Variants in SHROOM2 observed in about 807,000 individuals in gnomAD.
SHROOM2 encodes protein Shroom2.
Under a neutral mutation model 75.9 loss-of-function variants are expected in SHROOM2, and 33 were observed. That is an observed-to-expected ratio of 0.43 (90% CI 0.33 to 0.58). The LOEUF (loss-of-function observed/expected upper bound fraction) is 0.58. Among genes scored for constraint, SHROOM2 ranks in the 20% least tolerant of loss-of-function variants. The pLI is 0.04. For missense variants in SHROOM2, 1,434 were observed against 1,461.2 expected (o/e 0.98, Z 0.30); for synonymous variants, 655 against 663.6 (o/e 0.99, Z 0.20).
chrX:9,946,627 A>G (rs2073941), intron 9 of SHROOM2, 44 bp from the exon 10 acceptor site: 247,866 of 1,171,247 alleles, frequency 0.21, 25,447 homozygotes, highest in East Asian at 0.67. Flanking sequence ...CCAGTGCCCC[A>G]GCTTTCATCC....
intron 1 of SHROOM2, among the ~76,000 whole-genome samples, chrX:9,857,805 C>T (rs1167302148): frequency 9.0e-6 from 1 of 111,024 alleles, no homozygotes; most frequent in Non-Finnish European, 1.9e-5. Flanking sequence ...TTGCAAAATT[C>T]GTGCATCCTG....
chrX:9,945,313 G>C (rs887648572), intron 9 of SHROOM2, among the ~76,000 whole-genome samples: 2 of 110,298 alleles, frequency 1.8e-5, no homozygotes, highest in African/African-American at 6.6e-5. Flanking sequence ...ATTTCACTAT[G>C]TTGGCCAGGC....
At chrX:9,794,400 G>A (rs1427133142) in intron 1 of SHROOM2, among the ~76,000 whole-genome samples, 3 of 110,492 alleles carry the variant, frequency 2.7e-5, no homozygotes, top group African/African-American at 9.9e-5. Context: ...ATGTAGTTTC[G>A]CTCTTGTTGC....
intron 1 of SHROOM2, among the ~76,000 whole-genome samples, chrX:9,814,896 C>T (rs1187421045): frequency 3.6e-5 from 4 of 111,550 alleles, no homozygotes; most frequent in Non-Finnish European, 7.5e-5. Flanking sequence ...TGAAGGTCAG[C>T]CCCTCGCATG....
chrX:9,809,822 C>T (rs766747057), intron 1 of SHROOM2, among the ~76,000 whole-genome samples: 36 of 111,563 alleles, frequency 3.2e-4, no homozygotes, highest in African/African-American at 1.0e-3. Flanking sequence ...GCGTGCACCA[C>T]GATGCCAGCC....
At chrX:9,922,534 G>A (rs1167692525) in intron 5 of SHROOM2, among the ~76,000 whole-genome samples, 3 of 109,055 alleles carry the variant, frequency 2.8e-5, no homozygotes, top group Non-Finnish European at 3.8e-5. Context: ...GTTCTTTGGC[G>A]GTTGACCCTT....
Position 9,944,770 on chromosome X carries a change from A to G in SHROOM2, c.4441A>G (p.Lys1481Glu). The change falls in exon 9 of 10, where the codon AAG becomes GAG. Residue 1481 changes from lysine to glutamate, a missense_variant. Physicochemically the swap from Lys to Glu is moderately conservative, Grantham distance 56. This residue lies in a region of SHROOM2 where 1,340 missense variants were observed against 1,338.3 expected (regional missense o/e 1.00). Coordinates refer to ENST00000380913, the MANE Select transcript of SHROOM2 (RefSeq NM_001649.4). ...EVEAIVKGVC[K>E]PSEFDKFRMF... ...GGAGGCCATCGTGAAAGGCGTCTGC[A>G]AGCCCAGCGAGTTTGACAAGTTCCG... 8.2e-7 allele frequency: 1 copy of G among 1,212,405 alleles called. No individual in the cohort carries two copies. Among genetic ancestry groups the G allele is most frequent in the Non-Finnish European group, 1.1e-6 (1 of 895,679 alleles).
In SHROOM2 at chrX:9,894,787, T is replaced by G. The variant is rs1199956651; in HGVS notation, c.879T>G (p.Pro293=). Residue 293 remains proline (P), a synonymous_variant, in exon 4 of 10, where the codon CCT becomes CCG. Coordinates refer to ENST00000380913, the MANE Select transcript of SHROOM2 (RefSeq NM_001649.4). ...EYNAEPKLAA[P]GRSNFGPVWY... ...ATGCCGAGCCCAAGCTGGCTGCCCC[T>G]GGGAGGTCCAATTTTGGGCCAGTCT... The G allele has an allele frequency of 8.3e-7, 1 of 1,211,590 alleles. No individual in the cohort carries two copies. The highest frequency in any genetic ancestry group is 2.2e-5 in the Admixed American group (1 of 46,113).
rs1398937605 is a variant in SHROOM2, at chrX:9,828,520, T to TA, written c.165+41811dup. ...AGTATTGCTCTGTCAGAGTAAGCCT[T>TA]ACCCAGGCTGGAGACCAGTGGCATG... is the stretch of plus-strand genomic sequence containing the variant. On this transcript the variant is annotated intron_variant, in intron 1 of 9. Coordinates refer to ENST00000380913, the MANE Select transcript of SHROOM2 (RefSeq NM_001649.4). Among the ~76,000 whole-genome samples, 4 of 111,657 alleles carry TA rather than the reference T, an allele frequency of 3.6e-5. No homozygotes were observed. In the East Asian group the frequency reaches 1.1e-3, roughly 31 times the overall value.
intron 6 of SHROOM2, among the ~76,000 whole-genome samples, chrX:9,935,857 G>GC (rs1325921286): frequency 5.6e-4 from 63 of 111,556 alleles, no homozygotes; most frequent in African/African-American, 2.0e-3. Context: ...GTGGAGTTTG[G>GC]CCTGTTTCTT....
At chrX:9,844,222 A>T (rs2146771127) in intron 1 of SHROOM2, among the ~76,000 whole-genome samples, 1 of 111,937 alleles carries the variant, frequency 8.9e-6, no homozygotes, top group East Asian at 2.8e-4. Context: ...CTAAAAATAA[A>T]TATTTTAGGC....
At chrX:9,866,804 G>A (rs1361333185) in intron 1 of SHROOM2, among the ~76,000 whole-genome samples, 1 of 99,497 alleles carries the variant, frequency 1.0e-5, no homozygotes, top group African/African-American at 4.1e-5. Context: ...CCAGGGCGGG[G>A]TCCTCGTCTT....
At chrX:9,874,218 C>T (rs1157585691) in intron 2 of SHROOM2, among the ~76,000 whole-genome samples, 2 of 111,655 alleles carry the variant, frequency 1.8e-5, no homozygotes, top group African/African-American at 3.3e-5. Flanking sequence ...GGGTTTAGAG[C>T]ACTGTGCTGA....
chrX:9,910,922 G>A (rs1230220848), intron 5 of SHROOM2, among the ~76,000 whole-genome samples: 1 of 110,482 alleles, frequency 9.1e-6, no homozygotes, highest in Non-Finnish European at 1.9e-5. Context: ...GGCTCAAGCA[G>A]TCCTCCCGCC....
chrX:9,910,542 T>A (rs996850383), intron 5 of SHROOM2, among the ~76,000 whole-genome samples: 3 of 109,787 alleles, frequency 2.7e-5, no homozygotes, highest in African/African-American at 1.0e-4. Flanking sequence ...CCTGGCCAGG[T>A]GCAGTGGCTC....
intron 6 of SHROOM2, among the ~76,000 whole-genome samples, chrX:9,933,142 T>G (rs1409799583): frequency 1.8e-5 from 2 of 111,188 alleles, no homozygotes; most frequent in African/African-American, 3.3e-5. Context: ...CCAGATGCAT[T>G]TATATCTGCA....
intron 2 of SHROOM2, among the ~76,000 whole-genome samples, chrX:9,884,166 G>A (rs1403011982): frequency 9.0e-6 from 1 of 110,807 alleles, no homozygotes; most frequent in Non-Finnish European, 1.9e-5. Flanking sequence ...AGGTGGGCCT[G>A]TGTTTCAGAC....
At chrX:9,866,120 C>T (rs2084136924) in intron 1 of SHROOM2, among the ~76,000 whole-genome samples, 2 of 94,859 alleles carry the variant, frequency 2.1e-5, no homozygotes, top group Admixed American at 1.2e-4. Context: ...AGTCTCAACA[C>T]ATTTGGGTGG....
At chrX:9,893,546 C>T (rs911081353) in intron 3 of SHROOM2, among the ~76,000 whole-genome samples, 2 of 112,016 alleles carry the variant, frequency 1.8e-5, no homozygotes, top group East Asian at 2.8e-4. Flanking sequence ...GACACATGGG[C>T]ACAGTTGGGT....
Sources: allele counts gnomAD v4.1 joint callset (sites outside exome capture counted in the v4.1 genomes callset), GRCh38; gene constraint gnomAD v4.1.1; regional missense constraint gnomAD v4.1.1; transcripts MANE v1.5; gene names NCBI Gene and HGNC (gene_info 2026-07-23, HGNC 2026-07-21).